The following SPIDR variants were observed in gnomAD, a reference collection of about 807,000 sequenced individuals.
The protein encoded by SPIDR is DNA repair-scaffolding protein.
Under a neutral mutation model 104.6 loss-of-function variants are expected in SPIDR, and 93 were observed. The ratio of observed to expected loss-of-function variants is 0.89; its 90% CI spans 0.75 to 1.06. The LOEUF (loss-of-function observed/expected upper bound fraction) is 1.06. Ranked by LOEUF, SPIDR falls within the 50% of genes least tolerant of loss-of-function variation. The probability of loss-of-function intolerance (pLI) is 0.00; values close to 1 mark genes in which losing one functional copy is unlikely to be tolerated. For missense variants in SPIDR, 1,154 were observed against 1,111.2 expected (o/e 1.04, Z -0.55); for synonymous variants, 431 against 416.9 (o/e 1.03, Z -0.41).
At chr8:47,346,606 T>C (rs918905862) in intron 5 of SPIDR, among the ~76,000 whole-genome samples, 22 of 152,198 alleles carry the variant, frequency 1.4e-4, no homozygotes, top group Admixed American at 2.6e-4. Flanking sequence ...CTGGACTTTT[T>C]TTGCTTGGTA....
intron 5 of SPIDR, among the ~76,000 whole-genome samples, chr8:47,363,283 G>T (rs1587714680): frequency 1.6e-5 from 2 of 127,096 alleles, no homozygotes; most frequent in East Asian, 2.3e-4. Context: ...TCAGCTTGCT[G>T]CAAGCTGTGC....
intron 10 of SPIDR, among the ~76,000 whole-genome samples, chr8:47,617,163 A>G (rs183597758): frequency 6.6e-6 from 1 of 152,328 alleles, no homozygotes; most frequent in East Asian, 1.9e-4. Flanking sequence ...GGCATTAATC[A>G]TAGTTGCTGG....
At chr8:47,615,534 A>G (rs1464285359) in intron 10 of SPIDR, among the ~76,000 whole-genome samples, 2 of 139,004 alleles carry the variant, frequency 1.4e-5, no homozygotes, top group Non-Finnish European at 3.0e-5. Context: ...ATACAGTGGC[A>G]CTATCTTGGC....
intron 7 of SPIDR, among the ~76,000 whole-genome samples, chr8:47,417,284 A>G (rs1436685474): frequency 3.9e-5 from 6 of 152,132 alleles, no homozygotes; most frequent in Admixed American, 3.3e-4. Flanking sequence ...CCTCTCCAGC[A>G]CCTGTTGTTT....
chr8:47,467,727 A>AT (rs1554718457), intron 8 of SPIDR, among the ~76,000 whole-genome samples: 1 of 152,212 alleles, frequency 6.6e-6, no homozygotes, highest in Non-Finnish European at 1.5e-5. Context: ...AGAGCCATGT[A>AT]TAAAAAACCC....
chr8:47,315,006 G>A (rs910146370), intron 5 of SPIDR, among the ~76,000 whole-genome samples: 2 of 152,074 alleles, frequency 1.3e-5, no homozygotes, highest in African/African-American at 4.8e-5. Context: ...TATTAGATAA[G>A]TAGACTTCAA....
intron 11 of SPIDR, 118 bp downstream of exon 11, chr8:47,674,059 GC>G: frequency 7.5e-7 from 1 of 1,340,640 alleles, no homozygotes; most frequent in Non-Finnish European, 9.9e-7. Context: ...CCTAGAGTTT[GC>G]CCATAAAACA....
intron 10 of SPIDR, among the ~76,000 whole-genome samples, chr8:47,631,973 A>AGAT (rs1222547677): frequency 6.6e-6 from 1 of 152,194 alleles, no homozygotes; most frequent in African/African-American, 2.4e-5. Context: ...ATGTACTGCC[A>AGAT]GATATTTTTG....
intron 5 of SPIDR, among the ~76,000 whole-genome samples, chr8:47,342,328 C>CTTTTTTTT (rs11357859): frequency 2.9e-5 from 2 of 68,916 alleles, no homozygotes; most frequent in African/African-American, 1.3e-4. Flanking sequence ...TTTCAAAGGT[C>CTTTTTTTT]TTTTTTTTTT....
At chr8:47,671,851 G>C (rs1201690372) in intron 10 of SPIDR, among the ~76,000 whole-genome samples, 1 of 152,080 alleles carries the variant, frequency 6.6e-6, no homozygotes, top group Non-Finnish European at 1.5e-5. Flanking sequence ...TGTGCTTCTT[G>C]CTTTTAACAG....
At chr8:47,580,733 G>C (rs971330758) in intron 8 of SPIDR, among the ~76,000 whole-genome samples, 7 of 151,418 alleles carry the variant, frequency 4.6e-5, no homozygotes, top group African/African-American at 1.7e-4. Context: ...TACAAGGTCT[G>C]GTTTATCTGT....
intron 8 of SPIDR, among the ~76,000 whole-genome samples, chr8:47,505,229 G>C (rs1452403735): frequency 6.6e-6 from 1 of 152,216 alleles, no homozygotes; most frequent in Non-Finnish European, 1.5e-5. Flanking sequence ...TGCCCCCAGA[G>C]GTGGAGGCTA....
chr8:47,416,302 A>C (rs1253988991), intron 7 of SPIDR, among the ~76,000 whole-genome samples: 1 of 152,048 alleles, frequency 6.6e-6, no homozygotes, highest in African/African-American at 2.4e-5. Flanking sequence ...TGGGATTGAG[A>C]TTTTTCACTT....
rs1422662180 is a variant in SPIDR at position 47,664,751 on chromosome 8, A to AG, written c.1545-9050_1545-9049insG. 2.0e-5 allele frequency among the ~76,000 whole-genome samples: 3 copies of AG among 150,304 alleles called. 1 individual carries two copies. The highest frequency in any genetic ancestry group is 4.4e-5 in the Non-Finnish European group (3 of 67,462). On this transcript the variant is annotated intron_variant, in intron 10 of 19. Coordinates refer to ENST00000297423, the MANE Select transcript of SPIDR (RefSeq NM_001080394.4). ...GGAAAACCCCATCTCTACAAAAAAA[A>AG]AAAAAAAAAAAAAAAATTAGCCAGG...
At chr8:47,272,863 TTTAGGTA>T (rs2035613699) in intron 1 of SPIDR, among the ~76,000 whole-genome samples, 1 of 152,218 alleles carries the variant, frequency 6.6e-6, no homozygotes, top group African/African-American at 2.4e-5. Context: ...TAATGGCTTC[TTTAGGTA>T]TTATAATATA....
chr8:47,734,006 G>A (rs1167219126), intron 19 of SPIDR, among the ~76,000 whole-genome samples: 1 of 152,192 alleles, frequency 6.6e-6, no homozygotes, highest in Non-Finnish European at 1.5e-5. Flanking sequence ...GGCGTCAGTA[G>A]CGTTCACATC....
intron 10 of SPIDR, among the ~76,000 whole-genome samples, chr8:47,599,762 C>T (rs1433078507): frequency 1.3e-5 from 2 of 152,198 alleles, no homozygotes; most frequent in Non-Finnish European, 2.9e-5. Context: ...GGTGTTGGTT[C>T]TTACAGATAG....
At chr8:47,312,472 G>A (rs1554586164) in intron 5 of SPIDR, among the ~76,000 whole-genome samples, 1 of 152,212 alleles carries the variant, frequency 6.6e-6, no homozygotes, top group African/African-American at 2.4e-5. Context: ...GATGGCCAGT[G>A]ATGGTGAGCA....
chr8:47,263,570 C>T (rs572014647), intron 1 of SPIDR, among the ~76,000 whole-genome samples: 8 of 152,320 alleles, frequency 5.3e-5, no homozygotes, highest in South Asian at 2.1e-4. Flanking sequence ...CCGCCCGCCT[C>T]GGCCTCCCAA....
Sources: allele counts gnomAD v4.1 joint callset (sites outside exome capture counted in the v4.1 genomes callset), GRCh38; gene constraint gnomAD v4.1.1; transcripts MANE v1.5; gene names NCBI Gene and HGNC (gene_info 2026-07-23, HGNC 2026-07-21).